The following ROS1 variants were observed in gnomAD, a reference collection of about 807,000 sequenced individuals.
ROS1 encodes the protein ROS proto-oncogene 1, receptor tyrosine kinase, also known as proto-oncogene tyrosine-protein kinase ROS.
Under a neutral mutation model 273.5 loss-of-function variants are expected in ROS1, and 263 were observed. The observed-to-expected ratio is 0.96, with a 90% CI of 0.87 to 1.06. The LOEUF is 1.06. Ranked by LOEUF, ROS1 falls within the 50% of genes least tolerant of loss-of-function variation. ROS1 has a pLI of 0.00. For missense variants in ROS1, 2,833 were observed against 2,751.1 expected (o/e 1.03, Z -0.67); for synonymous variants, 1,008 against 954.1 (o/e 1.06, Z -1.04).
At chr6:117,358,910 A>G (rs183427440) in intron 24 of ROS1, among the ~76,000 whole-genome samples, 1 of 152,184 alleles carries the variant, frequency 6.6e-6, no homozygotes, top group East Asian at 1.9e-4. Context: ...CACTATTCAC[A>G]CTGCTAACAG....
chr6:117,371,410 C>T (rs1370735422), intron 18 of ROS1, among the ~76,000 whole-genome samples: 6 of 152,106 alleles, frequency 3.9e-5, no homozygotes, highest in South Asian at 2.1e-4. Context: ...AGCAGCAGGA[C>T]GAGCCCTGTG....
chr6:117,405,867 C>T (rs1360488446), intron 5 of ROS1, among the ~76,000 whole-genome samples: 1 of 152,150 alleles, frequency 6.6e-6, no homozygotes, highest in Non-Finnish European at 1.5e-5. Context: ...AGTATGTAAA[C>T]TTTGTGCCTC....
chr6:117,317,082 T>C, intron 39 of ROS1, 61 bp downstream of exon 39: 1 of 1,534,966 alleles, frequency 6.5e-7, no homozygotes, highest in Admixed American at 2.1e-5. Context: ...TAAAGAAAAT[T>C]AATAGGGAAT....
chr6:117,376,324 A>C, intron 18 of ROS1, among the ~76,000 whole-genome samples: 1 of 152,174 alleles, frequency 6.6e-6, no homozygotes, highest in East Asian at 1.9e-4. Flanking sequence ...AAAAATAAAT[A>C]GCCTTATATC....
At chr6:117,326,116 TA>T (rs1776625764) in intron 34 of ROS1, 107 bp downstream of exon 34, 2 of 236,358 alleles carry the variant, frequency 8.5e-6, no homozygotes, top group Non-Finnish European at 1.5e-5. Flanking sequence ...TATATATATA[TA>T]TATATATATA....
At chr6:117,312,943 C>T (rs1283081354) in intron 39 of ROS1, among the ~76,000 whole-genome samples, 1 of 152,086 alleles carries the variant, frequency 6.6e-6, no homozygotes, top group African/African-American at 2.4e-5. Context: ...TCCATGAAGC[C>T]CTCTCAGGTT....
At chr6:117,418,784 T>A (rs1193955216) in intron 1 of ROS1, among the ~76,000 whole-genome samples, 2 of 152,268 alleles carry the variant, frequency 1.3e-5, no homozygotes, top group South Asian at 2.1e-4. Flanking sequence ...AATTAAATAA[T>A]CCTGTGGCAT....
intron 1 of ROS1, among the ~76,000 whole-genome samples, chr6:117,421,018 A>G (rs1775712408): frequency 6.7e-6 from 1 of 149,702 alleles, no homozygotes; most frequent in Non-Finnish European, 1.5e-5. Flanking sequence ...ATGAAAATAG[A>G]AGTTTACCTG....
At chr6:117,419,112 C>T (rs1426976170) in intron 1 of ROS1, among the ~76,000 whole-genome samples, 1 of 152,144 alleles carries the variant, frequency 6.6e-6, no homozygotes, top group African/African-American at 2.4e-5. Context: ...CAGATAAGTA[C>T]CCACATAGTG....
chr6:117,288,064 G>A lies in ROS1; in HGVS notation c.*428C>T, dbSNP rs532315278. Among the ~76,000 whole-genome samples, 1 of 152,200 alleles carries A rather than the reference G, an allele frequency of 6.6e-6. No homozygotes were observed. Among genetic ancestry groups the A allele is most frequent in the South Asian group, 2.1e-4 (1 of 4,814 alleles). ...TCCTTGGTCCCATTTGAGATTATCT[G>A]TAGTTCAGTTGACCCCCCTGAGCCT... On this transcript the variant is annotated 3_prime_UTR_variant, in exon 44 of 44. Coordinates refer to ENST00000368507, the MANE Select transcript of ROS1 (RefSeq NM_001378902.1).
chr6:117,420,731 A>T (rs1377682979), intron 1 of ROS1, among the ~76,000 whole-genome samples: 1 of 152,102 alleles, frequency 6.6e-6, no homozygotes. Flanking sequence ...TATCCGGGAC[A>T]TAAGTAGGAT....
intron 6 of ROS1, 44 bp downstream of exon 6, chr6:117,404,235 AT>A (rs1562372524): frequency 1.1e-5 from 17 of 1,561,460 alleles, no homozygotes; most frequent in Middle Eastern, 1.7e-4. Flanking sequence ...AAAAAAAAAA[AT>A]TGGGAAGGGG....
chr6:117,328,326 G>A (rs1225435042), intron 33 of ROS1: 2 of 250,058 alleles, frequency 8.0e-6, no homozygotes, highest in Non-Finnish European at 1.6e-5. Context: ...CACTTAAGGT[G>A]TTACTCAGGG....
At position 117,350,352 on chromosome 6, in the gene ROS1, A is replaced by G. The variant is rs77429987; in HGVS notation, c.4303+2638T>C. ...TAGTTTCTGAGGAGAAGTTGGATAT[A>G]ATTCTTATCTTTGTTCCTCTATAGG... On this transcript the variant is annotated intron_variant, in intron 27 of 43. Coordinates refer to ENST00000368507, the MANE Select transcript of ROS1 (RefSeq NM_001378902.1). Among the ~76,000 whole-genome samples the G allele has an allele frequency of 4.4e-3, 662 of 152,124 alleles. 2 individuals carry two copies. Among genetic ancestry groups the G allele is most frequent in the African/African-American group, 0.014 (596 of 41,542 alleles).
Position 117,366,064 on chromosome 6 carries a change from G to T in ROS1, c.2797+12C>A. On this transcript the variant is annotated intron_variant, in intron 19 of 43. Transcript: ENST00000368507. ...ATAGTGGAGTAGGGTAAGCAGGAAT[G>T]AAATACTGTACCTGGCAGGGGCTTA... 1.3e-6 allele frequency: 2 copies of T among 1,595,918 alleles called. No homozygotes were observed. Among genetic ancestry groups the T allele is most frequent in the Non-Finnish European group, 1.7e-6 (2 of 1,163,580 alleles).
In ROS1 at chr6:117,356,714, T is replaced by C; in HGVS notation, c.4041A>G (p.Ile1347Met). 1 of 1,614,202 alleles carries C rather than the reference T, an allele frequency of 6.2e-7. No homozygotes were observed. The highest frequency in any genetic ancestry group is 8.5e-7 in the Non-Finnish European group (1 of 1,180,010). Residue 1347 changes from isoleucine (I) to methionine (M), a missense_variant, in exon 26 of 44, where the codon ATA (isoleucine) becomes ATG (methionine). Coordinates refer to ENST00000368507, the MANE Select transcript of ROS1 (RefSeq NM_001378902.1). ...AGATCTCTTGTGCTTTGGCAAAGTA[T>C]ATCAATGGTTTCTCTAGGTTAGAGG... ...IDTSNLEKPL[I>M]YFAKAQEIWA...
intron 35 of ROS1, among the ~76,000 whole-genome samples, chr6:117,321,872 A>G (rs1776316573): frequency 7.7e-6 from 1 of 130,636 alleles, no homozygotes; most frequent in Admixed American, 8.7e-5. Context: ...AGTGTTTATC[A>G]TTGTTGTTCA....
intron 18 of ROS1, among the ~76,000 whole-genome samples, chr6:117,371,899 C>A (rs1037161060): frequency 6.6e-6 from 1 of 152,216 alleles, no homozygotes; most frequent in Non-Finnish European, 1.5e-5. Flanking sequence ...TCCCCTACAG[C>A]AGCCACACAC....
chr6:117,349,591 A>G (rs1369998489), intron 27 of ROS1, among the ~76,000 whole-genome samples: 1 of 152,020 alleles, frequency 6.6e-6, no homozygotes, highest in Admixed American at 6.5e-5. Context: ...AGTTAAATTA[A>G]GATCTACCAT....
Sources: gnomAD v4.1 joint callset for allele counts (sites outside exome capture counted in the v4.1 genomes callset) on GRCh38, gnomAD v4.1.1 for gene constraint, MANE v1.5 for transcripts, NCBI Gene and HGNC (gene_info 2026-07-23, HGNC 2026-07-21) for gene names.